NADSYN1: variants seen among roughly 807,000 people sequenced by gnomAD.
NADSYN1 encodes NAD synthetase 1, also known as glutamine-dependent NAD(+) synthetase.
Under a neutral mutation model 99.3 loss-of-function variants are expected in NADSYN1, and 80 were observed. That is an observed-to-expected ratio of 0.81 (90% CI 0.67 to 0.97). NADSYN1 has a LOEUF of 0.97. Ranked by LOEUF, NADSYN1 falls within the 50% of genes least tolerant of loss-of-function variation. NADSYN1 has a pLI of 0.00. For synonymous variants in NADSYN1, 385 were observed against 372.1 expected, an observed-to-expected ratio of 1.03 and a Z score of -0.40; for missense variants, 859 against 948.5, an observed-to-expected ratio of 0.91 and a Z score of 1.24.
chr11:71,497,094 C>T, intron 18 of NADSYN1: 1 of 251,428 alleles, frequency 4.0e-6, no homozygotes, highest in Non-Finnish European at 7.8e-6. Context: ...CCCAGGCTGG[C>T]CTTAAACCCC....
At chr11:71,495,696 C>T (rs1949814350) in intron 18 of NADSYN1, among the ~76,000 whole-genome samples, 2 of 152,368 alleles carry the variant, frequency 1.3e-5, no homozygotes, top group South Asian at 4.1e-4. Context: ...GGGAAAGAAA[C>T]CAGCCAAGCA....
chr11:71,488,481 G>A (rs893953679), intron 16 of NADSYN1, among the ~76,000 whole-genome samples: 11 of 152,242 alleles, frequency 7.2e-5, no homozygotes, highest in African/African-American at 2.6e-4. Flanking sequence ...TGAAAGGCCT[G>A]GTCTTGAGTG....
In NADSYN1 at chr11:71,455,362, T is replaced by G. The variant is rs549521958; in HGVS notation, c.146+192T>G. 15 of 522,934 alleles carry G rather than the reference T, an allele frequency of 2.9e-5. No homozygotes were observed. In the South Asian group the frequency reaches 4.5e-4, roughly 16 times the overall value. The allele number at this position is 522,934 out of a possible 1,614,324, so 32.4% of individuals were successfully genotyped here. A position where few individuals can be genotyped will look rare whatever the true frequency, so the allele number is the denominator to read the frequency against. Reference sequence around the variant, plus strand: ...CCCAGGGAGGCTGAATAAGTCTAGATTCCCATGTTGAGTAATTAAAAGAAC... The same window carrying G: ...CCCAGGGAGGCTGAATAAGTCTAGAGTCCCATGTTGAGTAATTAAAAGAAC... On this transcript the variant is annotated intron_variant, in intron 2 of 20. Transcript: ENST00000319023.
At chr11:71,458,665 G>A in intron 3 of NADSYN1, 121 bp downstream of exon 3, 1 of 720,800 alleles carries the variant, frequency 1.4e-6, no homozygotes, top group Non-Finnish European at 2.4e-6. Context: ...GATACGAAAG[G>A]CCTTATGCTT....
At chr11:71,475,684 C>A in intron 9 of NADSYN1, 1 of 233,310 alleles carries the variant, frequency 4.3e-6, no homozygotes, top group Non-Finnish European at 8.5e-6. Context: ...GTTGGAAAGT[C>A]CTTGGGGAGG....
intron 18 of NADSYN1, 127 bp downstream of exon 18, chr11:71,492,030 T>G: frequency 1.2e-6 from 1 of 840,322 alleles, no homozygotes; most frequent in Non-Finnish European, 1.8e-6. Flanking sequence ...GTCCCTGGCC[T>G]GGGTGCCCAG....
intron 16 of NADSYN1, among the ~76,000 whole-genome samples, chr11:71,489,431 G>C (rs1591134714): frequency 6.7e-6 from 1 of 150,298 alleles, no homozygotes; most frequent in Non-Finnish European, 1.5e-5. Flanking sequence ...GCAGCATCCT[G>C]GCCCCACGGG....
In NADSYN1 at chr11:71,498,466, G is replaced by A; in HGVS notation, c.2008G>A (p.Asp670Asn). The stretch of plus-strand genomic sequence containing the variant: ...CTACAGCCCTGAGGACAACAGGTTT[G>A]ATCTGCGACCATTTCTGTACAACAC... ...ENYSPEDNRF[D>N]LRPFLYNTSW... The change falls in exon 20 of 21, where the codon GAT (aspartate) becomes AAT (asparagine). Residue 670 changes from aspartate (D) to asparagine (N), a missense_variant. Transcript: ENST00000319023. The A allele has an allele frequency of 6.2e-7, 1 of 1,614,176 alleles. No homozygotes were observed. The highest frequency in any genetic ancestry group is 8.5e-7 in the Non-Finnish European group (1 of 1,180,042).
At chr11:71,484,705 G>A (rs1949730736) in intron 15 of NADSYN1, 1 of 496,216 alleles carries the variant, frequency 2.0e-6, no homozygotes, top group South Asian at 2.3e-5. Flanking sequence ...GCAAGAGCGG[G>A]GGTGTAAGGA....
chr11:71,460,684 CCAT>C (rs1229874761), intron 3 of NADSYN1: 2 of 127,206 alleles, frequency 1.6e-5, no homozygotes. Context: ...AAATTTGTAA[CCAT>C]CATATTTGAA....
intron 5 of NADSYN1, chr11:71,466,835 A>G (rs996528181): frequency 1.3e-5 from 2 of 152,248 alleles, no homozygotes; most frequent in Non-Finnish European, 2.9e-5. Context: ...CTGGCAGGAA[A>G]GTACAGAATA....
Position 71,490,862 on chromosome 11 carries a change from C to A in NADSYN1, c.1580C>A (p.Thr527Asn). 6.2e-7 allele frequency: 1 copy of A among 1,614,216 alleles called. No homozygotes were observed. The highest frequency in any genetic ancestry group is 8.5e-7 in the Non-Finnish European group (1 of 1,180,022). ...CCCTGCAGTCTCCTGGGCTACCTGACCAAGTACGACTGCTCCAGTGCGGAC... is the reference window on the plus strand; with the variant it reads ...CCCTGCAGTCTCCTGGGCTACCTGAACAAGTACGACTGCTCCAGTGCGGAC... The part of the protein sequence containing the change: ...NVDESLLGYL[T>N]KYDCSSADIN... Residue 527 changes from threonine to asparagine, a missense_variant, in exon 17 of 21, where the codon ACC (threonine) becomes AAC (asparagine). Thr to Asn is a moderately conservative substitution (Grantham distance 65). Coordinates refer to ENST00000319023, the MANE Select transcript of NADSYN1 (RefSeq NM_018161.5).
Position 71,478,728 on chromosome 11 carries a change from G to A in NADSYN1, c.873+259G>A, listed in dbSNP as rs115310729. On this transcript the variant is annotated intron_variant, in intron 10 of 20. Transcript: ENST00000319023. ...GGCAGGCAGAGAGGCTGACGAGACA[G>A]TCAGCGTGCTAGGGGCTGCCACACA... The A allele has an allele frequency of 3.5e-3, 1,576 of 449,998 alleles. 31 individuals are homozygous for A. The highest frequency in any genetic ancestry group is 0.028 in the African/African-American group (1,418 of 50,596). 27.9% of individuals were successfully genotyped at this position (449,998 alleles called of 1,614,324 possible).
chr11:71,463,573 T>C (rs1949565312), intron 4 of NADSYN1, 88 bp downstream of exon 4: 1 of 1,298,104 alleles, frequency 7.7e-7, no homozygotes, highest in Middle Eastern at 2.0e-4. Context: ...GCTGGTGCCC[T>C]GGGGACCCGT....
At chr11:71,454,972 G>A (rs965616380) in intron 1 of NADSYN1, 138 bp from the exon 2 acceptor site, 54 of 657,022 alleles carry the variant, frequency 8.2e-5, no homozygotes, top group South Asian at 4.4e-4. Context: ...ACTGCATCCC[G>A]TCTGGGAAGG....
rs780720681 is a variant in NADSYN1, at chr11:71,474,597, G to A, written c.798+71G>A. ...GAGACCGAGCTCCTGGCTCTCCCCT[G>A]TAAGCCGGGTGCTTAGTGAGGGCCC... On this transcript the variant is annotated intron_variant, in intron 9 of 20. Coordinates refer to ENST00000319023, the MANE Select transcript of NADSYN1 (RefSeq NM_018161.5). The A allele has an allele frequency of 2.5e-6, 4 of 1,599,982 alleles. No individual in the cohort carries two copies. The African/African-American group carries it at 4.0e-5, about 16-fold the overall frequency.
chr11:71,476,462 C>T (rs1045280165), intron 9 of NADSYN1: 5 of 186,642 alleles, frequency 2.7e-5, no homozygotes, highest in South Asian at 1.1e-4. Context: ...GTGGTCAGCA[C>T]GGAGGCGGTT....
At chr11:71,459,046 A>G (rs1015293451) in intron 3 of NADSYN1, 3 of 161,114 alleles carry the variant, frequency 1.9e-5, no homozygotes, top group Non-Finnish European at 3.9e-5. Context: ...TGTACCCTGC[A>G]TAGCCGGTCC....
intron 18 of NADSYN1, chr11:71,496,336 A>T (rs777322792): frequency 6.6e-6 from 1 of 152,330 alleles, no homozygotes; most frequent in Non-Finnish European, 1.5e-5. Flanking sequence ...TTCCACAAAC[A>T]GAGGGTTGGA....
Sources: gnomAD v4.1 joint callset for allele counts (sites outside exome capture counted in the v4.1 genomes callset) on GRCh38, gnomAD v4.1.1 for gene constraint, MANE v1.5 for transcripts, NCBI Gene and HGNC (gene_info 2026-07-23, HGNC 2026-07-21) for gene names.